The following SPAG16 variants were observed in gnomAD, a reference collection of about 807,000 sequenced individuals.
The protein encoded by SPAG16 is sperm-associated antigen 16 protein.
Under a neutral mutation model 80.4 loss-of-function variants are expected in SPAG16, and 86 were observed. The observed-to-expected ratio is 1.07, with a 90% CI of 0.90 to 1.28. SPAG16 has a LOEUF of 1.28. Among genes scored for constraint, SPAG16 ranks in the 50% most tolerant of loss-of-function variants. The pLI, the probability that SPAG16 is intolerant of heterozygous loss-of-function variation, is 0.00. For missense variants in SPAG16, 870 were observed against 765.3 expected, an observed-to-expected ratio of 1.14 and a Z score of -1.61; for synonymous variants, 294 against 265.9, an observed-to-expected ratio of 1.11 and a Z score of -1.03.
chr2:213,321,864 G>A (rs897501242), intron 5 of SPAG16, among the ~76,000 whole-genome samples: 7 of 152,002 alleles, frequency 4.6e-5, no homozygotes, highest in Non-Finnish European at 5.9e-5. Flanking sequence ...ACTGGATATT[G>A]AAGAACAATA....
intron 9 of SPAG16, among the ~76,000 whole-genome samples, chr2:213,384,790 G>A (rs2067340198): frequency 6.6e-6 from 1 of 152,114 alleles, no homozygotes; most frequent in Admixed American, 6.6e-5. Context: ...TGTTTCTTCT[G>A]GTCGTACAGA....
intron 10 of SPAG16, among the ~76,000 whole-genome samples, chr2:213,848,921 G>A (rs781250677): frequency 1.3e-5 from 2 of 152,024 alleles, no homozygotes; most frequent in Non-Finnish European, 2.9e-5. Context: ...TTTTTTTAGT[G>A]TAGAAATTGA....
At chr2:214,099,254 G>T (rs1374350320) in intron 13 of SPAG16, among the ~76,000 whole-genome samples, 1 of 151,902 alleles carries the variant, frequency 6.6e-6, no homozygotes, top group East Asian at 1.9e-4. Flanking sequence ...AAAATTAATA[G>T]GTATAACAAG....
At chr2:214,286,865 T>C (rs1354539111) in intron 15 of SPAG16, among the ~76,000 whole-genome samples, 1 of 152,206 alleles carries the variant, frequency 6.6e-6, no homozygotes, top group Non-Finnish European at 1.5e-5. Context: ...ATGCTACCCA[T>C]AGTAGGCTAA....
chr2:214,293,496 T>C lies in SPAG16; in HGVS notation c.1721-116644T>C, dbSNP rs117831589. Among the ~76,000 whole-genome samples the C allele has an allele frequency of 1.7e-4, 26 of 152,320 alleles. No homozygotes were observed. In the East Asian group the frequency reaches 4.8e-3, roughly 28 times the overall value. On this transcript the variant is annotated intron_variant, in intron 15 of 15. Coordinates refer to ENST00000331683, the MANE Select transcript of SPAG16 (RefSeq NM_024532.5). ...TGGGTACTGTTCAGATGAAAGCTGGTGAGCAGATTTGTCATCAGGACCCCT... is the reference window on the plus strand; with the variant it reads ...TGGGTACTGTTCAGATGAAAGCTGGCGAGCAGATTTGTCATCAGGACCCCT...
At chr2:213,854,191 G>GA (rs756609420) in intron 10 of SPAG16, among the ~76,000 whole-genome samples, 1 of 152,104 alleles carries the variant, frequency 6.6e-6, no homozygotes, top group Non-Finnish European at 1.5e-5. Flanking sequence ...AAAACTAAGA[G>GA]AAAACATCGT....
intron 9 of SPAG16, among the ~76,000 whole-genome samples, chr2:213,436,350 T>C (rs923011934): frequency 6.6e-6 from 1 of 152,204 alleles, no homozygotes; most frequent in Non-Finnish European, 1.5e-5. Context: ...CTGAAAGCAG[T>C]TAAATTTATT....
intron 13 of SPAG16, among the ~76,000 whole-genome samples, chr2:214,043,083 G>A (rs2049122752): frequency 6.6e-6 from 1 of 151,760 alleles, no homozygotes; most frequent in Admixed American, 6.6e-5. Flanking sequence ...GTACACCAAA[G>A]GTCACATATC....
intron 15 of SPAG16, among the ~76,000 whole-genome samples, chr2:214,236,527 C>G (rs760720537): frequency 3.9e-5 from 6 of 152,096 alleles, no homozygotes; most frequent in Non-Finnish European, 5.9e-5. Flanking sequence ...GGGCGGGCAC[C>G]TGTAATCCCA....
At chr2:213,286,117 A>T (rs577169840) in intron 1 of SPAG16, among the ~76,000 whole-genome samples, 3 of 152,330 alleles carry the variant, frequency 2.0e-5, no homozygotes, top group African/African-American at 7.2e-5. Context: ...ACTGAGTCAC[A>T]CCTGCCAAGA....
intron 10 of SPAG16, among the ~76,000 whole-genome samples, chr2:213,549,026 C>G (rs1427224376): frequency 6.6e-6 from 1 of 151,512 alleles, no homozygotes; most frequent in South Asian, 2.1e-4. Context: ...TTATTCTTTT[C>G]TCGTTATATT....
chr2:213,299,678 T>C (rs1262303457), intron 3 of SPAG16, among the ~76,000 whole-genome samples: 1 of 152,174 alleles, frequency 6.6e-6, no homozygotes, highest in East Asian at 1.9e-4. Flanking sequence ...TATTTGATAC[T>C]ATCCGTTTTC....
At chr2:214,188,091 T>A (rs2057538003) in intron 15 of SPAG16, among the ~76,000 whole-genome samples, 2 of 152,188 alleles carry the variant, frequency 1.3e-5, no homozygotes, top group South Asian at 4.1e-4. Context: ...GCCCATATCA[T>A]CCCTTTCTTT....
chr2:213,357,157 A>G (rs1327043781), intron 7 of SPAG16, among the ~76,000 whole-genome samples: 1 of 152,096 alleles, frequency 6.6e-6, no homozygotes, highest in Non-Finnish European at 1.5e-5. Flanking sequence ...ACATTTGCTG[A>G]GGAGTGCTTT....
At chr2:213,625,132 A>T (rs1329578872) in intron 10 of SPAG16, among the ~76,000 whole-genome samples, 1 of 152,142 alleles carries the variant, frequency 6.6e-6, no homozygotes, top group African/African-American at 2.4e-5. Flanking sequence ...ATACTATAAA[A>T]GTACTTACTT....
chr2:213,429,498 G>T (rs1257958319), intron 9 of SPAG16, among the ~76,000 whole-genome samples: 1 of 152,140 alleles, frequency 6.6e-6, no homozygotes, highest in African/African-American at 2.4e-5. Flanking sequence ...ACCACAGAGA[G>T]ATCTTACCTG....
intron 10 of SPAG16, among the ~76,000 whole-genome samples, chr2:213,669,530 C>A (rs2063737782): frequency 6.6e-6 from 1 of 152,158 alleles, no homozygotes; most frequent in African/African-American, 2.4e-5. Context: ...TTTAGTAACA[C>A]TCAACAGATG....
At chr2:214,210,000 A>G (rs1024384145) in intron 15 of SPAG16, among the ~76,000 whole-genome samples, 4 of 151,888 alleles carry the variant, frequency 2.6e-5, no homozygotes, top group South Asian at 2.1e-4. Context: ...GTTTATAACA[A>G]CTCCCAGATA....
chr2:214,371,236 T>C (rs1699794229), intron 15 of SPAG16, among the ~76,000 whole-genome samples: 1 of 152,092 alleles, frequency 6.6e-6, no homozygotes, highest in South Asian at 2.1e-4. Context: ...CTCAGTGTTT[T>C]AAGAAGCATA....
Sources: allele counts gnomAD v4.1 joint callset (sites outside exome capture counted in the v4.1 genomes callset), GRCh38; gene constraint gnomAD v4.1.1; transcripts MANE v1.5; gene names NCBI Gene and HGNC (gene_info 2026-07-23, HGNC 2026-07-21).